DMD: variants seen among roughly 807,000 people sequenced by gnomAD.
DMD encodes mutant dystrophin.
Under a neutral mutation model 330.1 loss-of-function variants are expected in DMD, and 63 were observed. That is an observed-to-expected ratio of 0.19 (90% CI 0.16 to 0.24). The LOEUF (loss-of-function observed/expected upper bound fraction) is 0.24. Ranked by LOEUF, DMD falls within the 10% of genes least tolerant of loss-of-function variation. The pLI, the probability that DMD is intolerant of heterozygous loss-of-function variation, is 1.00. For synonymous variants in DMD, 1,223 were observed against 959.8 expected (o/e 1.27, Z -5.07); for missense variants, 3,344 against 2,684.1 (o/e 1.25, Z -5.43).
At chrX:31,361,653 T>A in intron 60 of DMD, among the ~76,000 whole-genome samples, 1 of 111,761 alleles carries the variant, frequency 8.9e-6, no homozygotes, top group East Asian at 2.8e-4. Flanking sequence ...GTATTTTGCA[T>A]GCCATTTGTG....
chrX:31,716,006 T>C (rs1273760919), intron 52 of DMD, among the ~76,000 whole-genome samples: 2 of 112,018 alleles, frequency 1.8e-5, no homozygotes, highest in African/African-American at 6.5e-5. Flanking sequence ...CAGAACAAGA[T>C]GTTAGAATTA....
chrX:31,793,615 C>T (rs188835368), intron 50 of DMD, among the ~76,000 whole-genome samples: 1 of 112,062 alleles, frequency 8.9e-6, no homozygotes, highest in Admixed American at 9.4e-5. Flanking sequence ...GCAAAATCAT[C>T]TAACACAAAG....
chrX:33,149,969 T>C (rs936851281), intron 1 of DMD, among the ~76,000 whole-genome samples: 9 of 111,999 alleles, frequency 8.0e-5, no homozygotes, highest in Non-Finnish European at 5.6e-5. Flanking sequence ...AAGAATCAAC[T>C]GTGATTGTTC....
chrX:31,604,820 G>T (rs1317571844), intron 55 of DMD, among the ~76,000 whole-genome samples: 1 of 111,479 alleles, frequency 9.0e-6, no homozygotes, highest in Non-Finnish European at 1.9e-5. Context: ...AGCCTCCAGC[G>T]ACTGTAGGTG....
At chrX:32,720,004 TA>T (rs2066117614) in intron 7 of DMD, among the ~76,000 whole-genome samples, 2 of 110,353 alleles carry the variant, frequency 1.8e-5, no homozygotes, top group Non-Finnish European at 3.8e-5. Context: ...ACACACGTTT[TA>T]ATATTAAAGT....
intron 1 of DMD, among the ~76,000 whole-genome samples, chrX:33,142,331 C>T (rs768742915): frequency 5.3e-5 from 6 of 112,776 alleles, no homozygotes; most frequent in Admixed American, 9.4e-5. Context: ...GTGATCCACC[C>T]GCCTTGGCCT....
At chrX:32,144,948 C>T (rs1164006714) in intron 44 of DMD, among the ~76,000 whole-genome samples, 1 of 111,254 alleles carries the variant, frequency 9.0e-6, no homozygotes, top group African/African-American at 3.3e-5. Context: ...GCAGGAGAAT[C>T]GCTTGAACCT....
At position 32,757,770 on chromosome X, in the gene DMD, C is replaced by T. The variant is rs139738043; in HGVS notation, c.649+51723G>A. On this transcript the variant is annotated intron_variant, in intron 7 of 78. Transcript: ENST00000357033. ...TTTATAAATTACCTAGTCTTTGGTA[C>T]GCCTTTATTAGCAGCATGAGAACAG... is the stretch of plus-strand genomic sequence containing the variant. 7.3e-4 allele frequency among the ~76,000 whole-genome samples: 82 copies of T among 111,846 alleles called. No individual in the cohort carries two copies. In the East Asian group the frequency reaches 0.013, roughly 18 times the overall value.
At chrX:31,528,390 C>T (rs2073413517) in intron 55 of DMD, among the ~76,000 whole-genome samples, 1 of 112,119 alleles carries the variant, frequency 8.9e-6, no homozygotes. Context: ...ACATGATACA[C>T]TGACATTAAA....
chrX:33,331,417 C>G (rs1041437160), intron 1 of DMD, among the ~76,000 whole-genome samples: 1 of 111,708 alleles, frequency 9.0e-6, no homozygotes, highest in East Asian at 2.8e-4. Flanking sequence ...GTTGCTGGAC[C>G]GAACAATTCT....
chrX:31,220,083 C>G (rs1683522263), intron 64 of DMD, among the ~76,000 whole-genome samples: 1 of 111,664 alleles, frequency 9.0e-6, no homozygotes, highest in African/African-American at 3.3e-5. Flanking sequence ...CTATCCCATA[C>G]AGCCTAGGTG....
intron 2 of DMD, among the ~76,000 whole-genome samples, chrX:32,939,735 T>C (rs2090272929): frequency 9.0e-6 from 1 of 111,043 alleles, no homozygotes; most frequent in African/African-American, 3.3e-5. Flanking sequence ...TATACAAAAA[T>C]CAGTAACATT....
chrX:32,365,257 C>T, intron 34 of DMD, 58 bp from the exon 35 acceptor site: 1 of 1,121,316 alleles, frequency 8.9e-7, no homozygotes, highest in Non-Finnish European at 1.2e-6. Context: ...AGATTTAATG[C>T]TTATGAAACG....
At chrX:32,540,768 G>A (rs1441154636) in intron 17 of DMD, among the ~76,000 whole-genome samples, 1 of 111,627 alleles carries the variant, frequency 9.0e-6, no homozygotes, top group Non-Finnish European at 1.9e-5. Flanking sequence ...ACAACAAAAC[G>A]AATGTAATGT....
chrX:32,506,161 T>C lies in DMD; in HGVS notation c.2293-4319A>G, dbSNP rs376010833. Reference sequence around the variant, plus strand: ...GTGGCACCAATAGGGAAAGCTAATGTATAAACTATGAACTTTGGGAGATAA... The same window carrying C: ...GTGGCACCAATAGGGAAAGCTAATGCATAAACTATGAACTTTGGGAGATAA... On this transcript the variant is annotated intron_variant, in intron 18 of 78. Coordinates refer to ENST00000357033, the MANE Select transcript of DMD (RefSeq NM_004006.3). Among the ~76,000 whole-genome samples the C allele has an allele frequency of 7.2e-5, 8 of 111,775 alleles. No individual in the cohort carries two copies. The South Asian group carries it at 3.0e-3, about 42-fold the overall frequency.
At chrX:32,499,695 A>T (rs1190056116) in intron 19 of DMD, among the ~76,000 whole-genome samples, 3 of 111,348 alleles carry the variant, frequency 2.7e-5, no homozygotes, top group African/African-American at 9.8e-5. Context: ...GTTTACAGAA[A>T]GCTTCATTTG....
intron 44 of DMD, among the ~76,000 whole-genome samples, chrX:32,071,753 AAAACT>A (rs1251093185): frequency 9.0e-6 from 1 of 111,724 alleles, no homozygotes; most frequent in African/African-American, 3.3e-5. Context: ...TAAAATAATA[AAAACT>A]AAAATAAAAA....
intron 60 of DMD, among the ~76,000 whole-genome samples, chrX:31,382,867 A>G (rs1024825901): frequency 1.8e-5 from 2 of 110,587 alleles, no homozygotes; most frequent in Non-Finnish European, 3.8e-5. Context: ...CCGCCCCAAC[A>G]CTTCAACACT....
rs773172810 is a variant in DMD, at chrX:33,243,897, G to A, written c.7+95362C>T. On this transcript the variant is annotated intron_variant, in intron 1 of 17. Coordinates refer to the DMD transcript ENST00000288447. Reference sequence around the variant, plus strand: ...GGGGAATCAGAAGGGTGGAGGCATGGGAGGGGGTTGTATGATGAGAAATTA... The same window carrying A: ...GGGGAATCAGAAGGGTGGAGGCATGAGAGGGGGTTGTATGATGAGAAATTA... 2.0e-4 allele frequency among the ~76,000 whole-genome samples: 22 copies of A among 111,403 alleles called. 1 individual carries two copies. The South Asian group carries it at 4.6e-3, about 23-fold the overall frequency.
Sources: gnomAD v4.1 joint callset for allele counts (sites outside exome capture counted in the v4.1 genomes callset) on GRCh38, gnomAD v4.1.1 for gene constraint, MANE v1.5 for transcripts, NCBI Gene and HGNC (gene_info 2026-07-23, HGNC 2026-07-21) for gene names.